Variants in ERLIN2 observed in about 807,000 individuals in gnomAD.
ERLIN2 encodes the protein ER lipid raft associated 2.
Under a neutral mutation model 41.5 loss-of-function variants are expected in ERLIN2, and 22 were observed. The ratio of observed to expected loss-of-function variants is 0.53; its 90% CI spans 0.38 to 0.76. The LOEUF is 0.76. Among genes scored for constraint, ERLIN2 ranks in the 30% least tolerant of loss-of-function variants. The probability of loss-of-function intolerance (pLI) is 0.00; values close to 1 mark genes in which losing one functional copy is unlikely to be tolerated. For synonymous variants in ERLIN2, 149 were observed against 150.9 expected (o/e 0.99, Z 0.09); for missense variants, 247 against 414.3 (o/e 0.60, Z 3.51).
intron 6 of ERLIN2, among the ~76,000 whole-genome samples, 177 bp from the exon 7 acceptor site, chr8:37,749,382 C>T (rs1426492968): frequency 6.6e-6 from 1 of 152,206 alleles, no homozygotes; most frequent in Non-Finnish European, 1.5e-5. Flanking sequence ...GGGCTGCCTG[C>T]ACAGGCTGCT....
chr8:37,745,637 G>C (rs1345260863), intron 6 of ERLIN2: 1 of 1,614,008 alleles, frequency 6.2e-7, no homozygotes, highest in Admixed American at 1.7e-5. Context: ...TTTCATAGCA[G>C]ACAGGAGGAC....
intron 10 of ERLIN2, among the ~76,000 whole-genome samples, chr8:37,753,120 AGT>A (rs1482948434): frequency 1.3e-5 from 2 of 152,238 alleles, no homozygotes; most frequent in Non-Finnish European, 2.9e-5. Context: ...CTCCAAAAGA[AGT>A]AAGACAGGAA....
Position 37,753,432 on chromosome 8 carries a change from G to A in ERLIN2, c.740-18G>A, listed in dbSNP as rs773033898. On this transcript the variant is annotated intron_variant, in intron 10 of 11. Transcript: ENST00000519638. The stretch of plus-strand genomic sequence containing the variant: ...GTTTTAGCACTTCACCAAGTTCACT[G>A]CACTCCTTCCCCCTCAGATGCTGCA... The A allele has an allele frequency of 1.1e-5, 17 of 1,609,656 alleles. No homozygotes were observed. Among genetic ancestry groups the A allele is most frequent in the East Asian group, 2.2e-5 (1 of 44,870 alleles).
intron 8 of ERLIN2, 178 bp downstream of exon 8, chr8:37,750,030 T>A: frequency 1.4e-6 from 1 of 695,674 alleles, no homozygotes; most frequent in South Asian, 1.5e-5. Context: ...TGGGGCTCCC[T>A]ACCTGTGATT....
chr8:37,745,821 GT>G, intron 6 of ERLIN2: 1 of 1,356,334 alleles, frequency 7.4e-7, no homozygotes, highest in East Asian at 2.7e-5. Flanking sequence ...TTAAGAAAAA[GT>G]TGGTAAATTT....
In ERLIN2 at chr8:37,753,954, A is replaced by AAGGCCATTGCTTCC. The variant is rs1585919102; in HGVS notation, c.861_874dup (p.Asn292ArgfsTer26). 4 of 1,613,832 alleles carry AAGGCCATTGCTTCC rather than the reference A, an allele frequency of 2.5e-6. No individual in the cohort carries two copies. In the South Asian group the frequency reaches 4.4e-5, roughly 18 times the overall value. ...TGAATATCTGCAGCTGATGAAGTAC[A>AAGGCCATTGCTTCC]AGGCCATTGCTTCCAACAGCAAGAT... On this transcript the variant is annotated frameshift_variant, in exon 12 of 12. Transcript: ENST00000519638. LOFTEE classifies it high-confidence loss of function.
chr8:37,744,765 C>G, intron 6 of ERLIN2, 69 bp downstream of exon 6: 1 of 1,573,122 alleles, frequency 6.4e-7, no homozygotes, highest in Non-Finnish European at 8.7e-7. Context: ...TCTCCACTGC[C>G]TAAAGCCTGG....
chr8:37,746,926 T>C (rs1169418484), intron 6 of ERLIN2, among the ~76,000 whole-genome samples: 1 of 152,186 alleles, frequency 6.6e-6, no homozygotes, highest in East Asian at 1.9e-4. Flanking sequence ...TACCTAAATA[T>C]AATTCACGCT....
intron 6 of ERLIN2, chr8:37,746,152 A>T: frequency 1.0e-6 from 1 of 991,442 alleles, no homozygotes; most frequent in Non-Finnish European, 1.2e-6. Flanking sequence ...TTGGCTTAGA[A>T]TCTGTCATAT....
chr8:37,751,729 G>A lies in ERLIN2; in HGVS notation c.739+14G>A. ...CAGAAATTGAAGGTAAGCAGAAGTGGCAGTCATGCCTGAGTCCTCCTCAGA... is the reference window on the plus strand; with the variant it reads ...CAGAAATTGAAGGTAAGCAGAAGTGACAGTCATGCCTGAGTCCTCCTCAGA... On this transcript the variant is annotated intron_variant, in intron 10 of 11. Coordinates refer to ENST00000519638, the MANE Select transcript of ERLIN2 (RefSeq NM_007175.8). 6.2e-7 allele frequency: 1 copy of A among 1,605,424 alleles called. No individual in the cohort carries two copies. The highest frequency in any genetic ancestry group is 1.1e-5 in the South Asian group (1 of 90,896).
chr8:37,740,516 ATTAT>A (rs969234663), intron 3 of ERLIN2, 70 bp downstream of exon 3: 2 of 1,092,808 alleles, frequency 1.8e-6, no homozygotes, highest in African/African-American at 3.1e-5. Flanking sequence ...ATGATTTGAA[ATTAT>A]TTAGCCATTG....
Position 37,757,967 on chromosome 8 carries a change from T to A in ERLIN2, c.*3852T>A, listed in dbSNP as rs1054142432. 3.3e-5 allele frequency: 5 copies of A among 152,232 alleles called. No homozygotes were observed. The highest frequency in any genetic ancestry group is 5.9e-5 in the Non-Finnish European group (4 of 68,034). The allele number at this position is 152,232 out of a possible 1,614,324, so 9.4% of individuals were successfully genotyped here. A position where few individuals can be genotyped will look rare whatever the true frequency, so the allele number is the denominator to read the frequency against. The stretch of plus-strand genomic sequence containing the variant: ...GTGGACGAACTCCCAGTCTTTACTC[T>A]GGAAAGCTGCCCAGCTTAGGGTTGC... On this transcript the variant is annotated 3_prime_UTR_variant, in exon 12 of 12. Transcript: ENST00000519638.
chr8:37,747,495 C>G (rs182623901), intron 6 of ERLIN2: 1 of 1,612,326 alleles, frequency 6.2e-7, no homozygotes, highest in Admixed American at 1.7e-5. Context: ...CTTCCCTAGC[C>G]TCAATCTCCT....
intron 2 of ERLIN2, among the ~76,000 whole-genome samples, chr8:37,739,762 G>T (rs1585899651): frequency 6.6e-6 from 1 of 151,720 alleles, no homozygotes; most frequent in East Asian, 1.9e-4. Context: ...CACCGCGCCT[G>T]GCCAGACTTT....
chr8:37,749,974 C>A, intron 8 of ERLIN2, 122 bp downstream of exon 8: 1 of 884,872 alleles, frequency 1.1e-6, no homozygotes, highest in Non-Finnish European at 1.9e-6. Context: ...GGATTTGCTA[C>A]AGCCCATTGC....
intron 9 of ERLIN2, among the ~76,000 whole-genome samples, chr8:37,750,687 T>C (rs1457241248): frequency 6.6e-6 from 1 of 152,120 alleles, no homozygotes; most frequent in East Asian, 1.9e-4. Context: ...AGTTTCCACT[T>C]AACTCTTAAA....
chr8:37,740,581 TTA>T (rs957443777), intron 3 of ERLIN2, 135 bp downstream of exon 3: 19 of 281,278 alleles, frequency 6.8e-5, no homozygotes, highest in South Asian at 5.2e-4. Context: ...TATATACATA[TTA>T]TATATATATA....
At chr8:37,744,550 A>G in intron 5 of ERLIN2, 21 bp from the exon 6 acceptor site, 2 of 1,614,132 alleles carry the variant, frequency 1.2e-6, no homozygotes, top group Non-Finnish European at 1.7e-6. Flanking sequence ...TCTTATGCCA[A>G]GCCCTCTCCT....
At chr8:37,746,581 A>G in intron 6 of ERLIN2, 1 of 920,350 alleles carries the variant, frequency 1.1e-6, no homozygotes. Context: ...TCATTTATTA[A>G]TCTATAATGT....
Sources: gnomAD v4.1 joint callset for allele counts (sites outside exome capture counted in the v4.1 genomes callset) on GRCh38, gnomAD v4.1.1 for gene constraint, MANE v1.5 for transcripts, NCBI Gene and HGNC (gene_info 2026-07-23, HGNC 2026-07-21) for gene names.